The following SEPTIN9 variants were observed in gnomAD, a reference collection of about 807,000 sequenced individuals.
SEPTIN9 encodes septin 9, also known as septin-9.
SEPTIN9 carries 13 observed loss-of-function variants against 56.6 expected under a neutral mutation model. That is an observed-to-expected ratio of 0.23 (90% CI 0.15 to 0.37). The LOEUF is 0.37. SEPTIN9 is among the 10% of genes least tolerant of loss of function. The probability of loss-of-function intolerance (pLI) is 1.00; values close to 1 mark genes in which losing one functional copy is unlikely to be tolerated. For synonymous variants in SEPTIN9, 332 were observed against 334.1 expected (o/e 0.99, Z 0.07); for missense variants, 650 against 823.1 (o/e 0.79, Z 2.57).
rs2034733006 is a variant in SEPTIN9, at chr17:77,371,995, G to C, written c.77-30064G>C. On this transcript the variant is annotated intron_variant, in intron 2 of 11. Coordinates refer to ENST00000427177, the MANE Select transcript of SEPTIN9 (RefSeq NM_001113491.2). The surrounding 1 kb of genome is among the most constrained non-coding windows in gnomAD (Gnocchi z 4.1). ...GAGTCTCAGCACTCCTGCACATTTG[G>C]GATATTTCAGAGGGGGTGGGGAGGG... Among the ~76,000 whole-genome samples the C allele has an allele frequency of 6.6e-6, 1 of 152,090 alleles. No homozygotes were observed. Among genetic ancestry groups the C allele is most frequent in the African/African-American group, 2.4e-5 (1 of 41,404 alleles).
intron 3 of SEPTIN9, among the ~76,000 whole-genome samples, chr17:77,427,686 C>T (rs1048550738): frequency 6.6e-6 from 1 of 152,160 alleles, no homozygotes; most frequent in African/African-American, 2.4e-5. Context: ...CTCCTTTTGC[C>T]ATCCACACTC....
intron 2 of SEPTIN9, among the ~76,000 whole-genome samples, chr17:77,338,502 T>C (rs1481110393): frequency 1.3e-5 from 2 of 152,160 alleles, no homozygotes; most frequent in African/African-American, 2.4e-5. Context: ...CACTGCAACC[T>C]CTGCCTCCCG....
rs1322881327 is a variant in SEPTIN9 at position 77,319,881 on chromosome 17, G to A, written c.76+12684G>A. 9.1e-7 allele frequency: 1 copy of A among 1,095,840 alleles called. No homozygotes were observed. Among genetic ancestry groups the A allele is most frequent in the Non-Finnish European group, 1.1e-6 (1 of 898,324 alleles). The allele number at this position is 1,095,840 out of a possible 1,614,324, so 67.9% of individuals were successfully genotyped here. ...AGGAGCAGCAAGCCTCGGGGCGGCG[G>A]GGGCTGGAGGAGGTGGAGAGAGGAG... On this transcript the variant is annotated intron_variant, in intron 2 of 11. Coordinates refer to ENST00000427177, the MANE Select transcript of SEPTIN9 (RefSeq NM_001113491.2). This position sits in a 1 kb window ranked among gnomAD's most constrained non-coding sequence, Gnocchi z 5.3.
chr17:77,468,190 G>A (rs1441479026), intron 3 of SEPTIN9, among the ~76,000 whole-genome samples: 3 of 152,158 alleles, frequency 2.0e-5, no homozygotes, highest in Non-Finnish European at 2.9e-5. Flanking sequence ...GCGTGAACCC[G>A]GGAGGCAGAG....
chr17:77,297,332 G>A (rs2031863840), intron 1 of SEPTIN9, among the ~76,000 whole-genome samples: 6 of 152,154 alleles, frequency 3.9e-5, no homozygotes, highest in African/African-American at 1.2e-4. Flanking sequence ...AGGAGAAAGA[G>A]GGAATTCACC....
intron 3 of SEPTIN9, among the ~76,000 whole-genome samples, chr17:77,412,610 C>T (rs1233871131): frequency 6.6e-6 from 1 of 151,994 alleles, no homozygotes; most frequent in African/African-American, 2.4e-5. Flanking sequence ...CCTGTAGTCC[C>T]GGCTACTCGG....
intron 2 of SEPTIN9, among the ~76,000 whole-genome samples, chr17:77,386,508 G>A (rs2035341742): frequency 6.6e-6 from 1 of 152,228 alleles, no homozygotes; most frequent in African/African-American, 2.4e-5. Context: ...TCAGGGCAGT[G>A]GGGGTGGGGG....
chr17:77,488,091 G>A (rs1011305216), intron 5 of SEPTIN9, 149 bp from the exon 6 acceptor site: 12 of 723,160 alleles, frequency 1.7e-5, no homozygotes, highest in African/African-American at 5.5e-5. Flanking sequence ...GGCCTGTGCC[G>A]GAGTTGGCTG....
rs556896485 is a variant in SEPTIN9, at chr17:77,442,432, C to T, written c.722-39712C>T. Among the ~76,000 whole-genome samples, 9 of 146,800 alleles carry T rather than the reference C, an allele frequency of 6.1e-5. No individual in the cohort carries two copies. The South Asian group carries it at 1.8e-3, about 29-fold the overall frequency. On this transcript the variant is annotated intron_variant, in intron 3 of 11. Transcript: ENST00000427177. ...CAGGCTGGTCTCAAACTCCTGACCTCGTGATCTGCCTACCTCGGCCTCCCA... is the reference window on the plus strand; with the variant it reads ...CAGGCTGGTCTCAAACTCCTGACCTTGTGATCTGCCTACCTCGGCCTCCCA...
rs2033161500 is a variant in SEPTIN9 at position 77,326,904 on chromosome 17, TCTGGATGGATGAGCATGTGGAGGCTC to T, written c.76+19713_76+19738del. Among the ~76,000 whole-genome samples, 1 of 151,982 alleles carries T rather than the reference TCTGGATGGATGAGCATGTGGAGGCTC, an allele frequency of 6.6e-6. No individual in the cohort carries two copies. Among genetic ancestry groups the T allele is most frequent in the South Asian group, 2.1e-4 (1 of 4,810 alleles). On this transcript the variant is annotated intron_variant, in intron 2 of 11. Coordinates refer to ENST00000427177, the MANE Select transcript of SEPTIN9 (RefSeq NM_001113491.2). This position sits in a 1 kb window ranked among gnomAD's most constrained non-coding sequence, Gnocchi z 5.1. ...TCAGAAGGATGGGGTTCCGGGAGCT[TCTGGATGGATGAGCATGTGGAGGCTC>T]CTGGAGGGTGGAGCGCCTGGGGAGC...
chr17:77,325,604 A>G (rs139751005), intron 2 of SEPTIN9, among the ~76,000 whole-genome samples: 1 of 152,148 alleles, frequency 6.6e-6, no homozygotes, highest in Non-Finnish European at 1.5e-5. Flanking sequence ...CCCTTGTTCT[A>G]GGTGGTGTGG....
chr17:77,462,835 T>G (rs2038540805), intron 3 of SEPTIN9, among the ~76,000 whole-genome samples: 1 of 151,844 alleles, frequency 6.6e-6, no homozygotes, highest in African/African-American at 2.4e-5. Context: ...AGGGATGGGG[T>G]TTTACCATGT....
intron 2 of SEPTIN9, among the ~76,000 whole-genome samples, chr17:77,358,221 G>A (rs1320034656): frequency 6.6e-6 from 1 of 152,192 alleles, no homozygotes; most frequent in Non-Finnish European, 1.5e-5. Flanking sequence ...TGTTTTGGGG[G>A]TGTGAGCAGC....
At chr17:77,485,832 A>G (rs2039755739) in intron 4 of SEPTIN9, among the ~76,000 whole-genome samples, 1 of 151,986 alleles carries the variant, frequency 6.6e-6, no homozygotes, top group Non-Finnish European at 1.5e-5. Context: ...AGTGTAATTT[A>G]GGGTGTTTTT....
intron 4 of SEPTIN9, among the ~76,000 whole-genome samples, chr17:77,484,767 G>T (rs1259900075): frequency 6.2e-5 from 3 of 48,388 alleles, no homozygotes; most frequent in African/African-American, 2.4e-4. Flanking sequence ...GTGGTGATGT[G>T]GGTGGTGGTG....
chr17:77,299,349 G>A (rs1029631394), intron 1 of SEPTIN9, among the ~76,000 whole-genome samples: 3 of 152,154 alleles, frequency 2.0e-5, no homozygotes, highest in Non-Finnish European at 4.4e-5. Flanking sequence ...AGATAAACAA[G>A]GATTAATTTT....
At position 77,421,083 on chromosome 17, in the gene SEPTIN9, C is replaced by T. The variant is rs2036684847; in HGVS notation, c.721+18380C>T. Reference sequence around the variant, plus strand: ...CGGGGTAGGGGTGGAGCTCTGCCGTCGCTGACTCCCGGGCTACCTGGAGTG... The same window carrying T: ...CGGGGTAGGGGTGGAGCTCTGCCGTTGCTGACTCCCGGGCTACCTGGAGTG... On this transcript the variant is annotated intron_variant, in intron 3 of 11. Coordinates refer to ENST00000427177, the MANE Select transcript of SEPTIN9 (RefSeq NM_001113491.2). The surrounding 1 kb of genome is among the most constrained non-coding windows in gnomAD (Gnocchi z 4.6). 1.3e-5 allele frequency among the ~76,000 whole-genome samples: 2 copies of T among 152,330 alleles called. No homozygotes were observed. The highest frequency in any genetic ancestry group is 2.1e-4 in the South Asian group (1 of 4,828).
intron 3 of SEPTIN9, among the ~76,000 whole-genome samples, chr17:77,463,591 C>T (rs1434524091): frequency 6.6e-6 from 1 of 152,010 alleles, no homozygotes; most frequent in Non-Finnish European, 1.5e-5. Flanking sequence ...GCCTGTAATC[C>T]TAGCACTTGG....
At chr17:77,356,169 G>A (rs949469803) in intron 2 of SEPTIN9, among the ~76,000 whole-genome samples, 26 of 152,058 alleles carry the variant, frequency 1.7e-4, no homozygotes, top group Admixed American at 6.5e-4. Flanking sequence ...TGGAAGAGGC[G>A]ACACTGTGTC....
Sources: allele counts gnomAD v4.1 joint callset (sites outside exome capture counted in the v4.1 genomes callset), GRCh38; gene constraint gnomAD v4.1.1; non-coding constraint Gnocchi (gnomAD v3.1); transcripts MANE v1.5; gene names NCBI Gene and HGNC (gene_info 2026-07-23, HGNC 2026-07-21).